The following PRKG1 variants were observed in gnomAD, a reference collection of about 807,000 sequenced individuals.
PRKG1 encodes protein kinase cGMP-dependent 1, also known as cGMP-dependent protein kinase 1.
In PRKG1, 35 loss-of-function variants were observed where a neutral mutation model predicts 88.1. That is an observed-to-expected ratio of 0.40 (90% CI 0.30 to 0.53). The LOEUF (loss-of-function observed/expected upper bound fraction) is 0.53. Among genes scored for constraint, PRKG1 ranks in the 20% least tolerant of loss-of-function variants. The pLI, the probability that PRKG1 is intolerant of heterozygous loss-of-function variation, is 0.59. For missense variants in PRKG1, 540 were observed against 839.8 expected (o/e 0.64, Z 4.41); for synonymous variants, 303 against 292.5 (o/e 1.04, Z -0.37).
At chr10:52,095,524 G>A (rs1847152403) in intron 7 of PRKG1, among the ~76,000 whole-genome samples, 2 of 152,160 alleles carry the variant, frequency 1.3e-5, no homozygotes, top group South Asian at 4.1e-4. Flanking sequence ...AGCACCATGA[G>A]GGTTGAAGGC....
At chr10:51,640,411 C>T (rs991714279) in intron 3 of PRKG1, among the ~76,000 whole-genome samples, 4 of 152,092 alleles carry the variant, frequency 2.6e-5, no homozygotes, top group South Asian at 2.1e-4. Flanking sequence ...TTTTCAATTT[C>T]GATTTTCTCC....
chr10:51,099,995 G>A (rs1242771233), intron 1 of PRKG1, among the ~76,000 whole-genome samples: 3 of 152,154 alleles, frequency 2.0e-5, no homozygotes, highest in Non-Finnish European at 4.4e-5. Flanking sequence ...CTGGGGTCAA[G>A]CCATCCTCCT....
At chr10:51,558,282 C>A (rs2132143154) in intron 3 of PRKG1, among the ~76,000 whole-genome samples, 1 of 151,982 alleles carries the variant, frequency 6.6e-6, no homozygotes, top group East Asian at 1.9e-4. Flanking sequence ...AAGTTTTTAC[C>A]AATATATACT....
At chr10:51,385,774 T>G (rs1837233641) in intron 2 of PRKG1, among the ~76,000 whole-genome samples, 1 of 152,172 alleles carries the variant, frequency 6.6e-6, no homozygotes, top group South Asian at 2.1e-4. Context: ...TCAGAAAGTC[T>G]CTTTATTTCT....
At chr10:52,029,968 G>T (rs2133207742) in intron 5 of PRKG1, among the ~76,000 whole-genome samples, 1 of 152,164 alleles carries the variant, frequency 6.6e-6, no homozygotes. Flanking sequence ...AGAAATCCAT[G>T]CAATCATTCA....
At chr10:51,474,894 C>T (rs951550278) in intron 3 of PRKG1, among the ~76,000 whole-genome samples, 2 of 151,934 alleles carry the variant, frequency 1.3e-5, no homozygotes, top group Admixed American at 1.3e-4. Context: ...TCTTTGTTGA[C>T]TAAATTTCTA....
At chr10:51,066,520 C>T (rs1184102797) in intron 1 of PRKG1, among the ~76,000 whole-genome samples, 1 of 152,048 alleles carries the variant, frequency 6.6e-6, no homozygotes, top group Non-Finnish European at 1.5e-5. Flanking sequence ...GGGGATTTCA[C>T]AAATGGAGAA....
At chr10:51,223,996 C>T (rs1194467595) in intron 2 of PRKG1, among the ~76,000 whole-genome samples, 1 of 152,076 alleles carries the variant, frequency 6.6e-6, no homozygotes, top group Admixed American at 6.5e-5. Context: ...ACATGCCCAT[C>T]CTGTAAATGG....
chr10:51,172,648 G>C (rs12776627), intron 2 of PRKG1, among the ~76,000 whole-genome samples: 409 of 40,996 alleles, frequency 1.0e-2, no homozygotes, highest in East Asian at 0.02. Flanking sequence ...ATGTATGTAT[G>C]TATCTATCTA....
At chr10:51,239,332 T>C (rs1302444792) in intron 2 of PRKG1, among the ~76,000 whole-genome samples, 1 of 152,178 alleles carries the variant, frequency 6.6e-6, no homozygotes, top group Non-Finnish European at 1.5e-5. Flanking sequence ...AAAAAATAAC[T>C]AGCAGGAGAA....
chr10:51,549,362 G>C (rs548139831), intron 3 of PRKG1, among the ~76,000 whole-genome samples: 6 of 151,312 alleles, frequency 4.0e-5, no homozygotes, highest in Non-Finnish European at 2.9e-5. Context: ...CTGACCTTGG[G>C]GATACCATGT....
intron 9 of PRKG1, among the ~76,000 whole-genome samples, chr10:52,171,842 T>C (rs912615149): frequency 7.8e-6 from 1 of 127,538 alleles, no homozygotes; most frequent in Non-Finnish European, 1.5e-5. Context: ...GTCGCCCAGG[T>C]CGGACTGCGG....
chr10:51,934,675 G>A lies in PRKG1; in HGVS notation c.762+27105G>A, dbSNP rs181739360. 1.2e-4 allele frequency among the ~76,000 whole-genome samples: 18 copies of A among 152,214 alleles called. No individual in the cohort carries two copies. In the South Asian group the frequency reaches 1.2e-3, roughly 11 times the overall value. ...AAGGTTTATCCCTGTTTTCCCTACC[G>A]TCTGTCTGTGACGTCTGGAGTAGTG... On this transcript the variant is annotated intron_variant, in intron 5 of 17. Transcript: ENST00000373980.
intron 3 of PRKG1, among the ~76,000 whole-genome samples, chr10:51,747,091 T>C (rs1252590478): frequency 6.6e-6 from 1 of 152,170 alleles, no homozygotes; most frequent in Non-Finnish European, 1.5e-5. Flanking sequence ...GGTTTTTGCT[T>C]GTCAGAGAAG....
At chr10:51,474,816 C>T (rs915220076) in intron 3 of PRKG1, among the ~76,000 whole-genome samples, 4 of 151,942 alleles carry the variant, frequency 2.6e-5, no homozygotes, top group Non-Finnish European at 5.9e-5. Flanking sequence ...TTTCCTCTGA[C>T]TACTGAGGAA....
intron 3 of PRKG1, among the ~76,000 whole-genome samples, chr10:51,694,428 T>C (rs903310566): frequency 2.0e-5 from 3 of 152,232 alleles, no homozygotes; most frequent in African/African-American, 4.8e-5. Flanking sequence ...AAACATAATC[T>C]TACTTAGATA....
intron 3 of PRKG1, among the ~76,000 whole-genome samples, chr10:51,677,212 T>G (rs1840732655): frequency 6.6e-6 from 1 of 152,154 alleles, no homozygotes; most frequent in Non-Finnish European, 1.5e-5. Flanking sequence ...ATTGTATTTC[T>G]TTCATTTTTA....
intron 4 of PRKG1, among the ~76,000 whole-genome samples, chr10:51,826,472 T>A (rs550302742): frequency 6.6e-6 from 1 of 152,206 alleles, no homozygotes; most frequent in East Asian, 1.9e-4. Context: ...GAGGACTAAG[T>A]TGATAATAAA....
In PRKG1 at chr10:51,034,668, T is replaced by TTTTATATATATATA. The variant is rs9299454; in HGVS notation, c.266+43025_266+43026insTTATATATATATAT. On this transcript the variant is annotated intron_variant, in intron 1 of 17. Transcript: ENST00000401604. ...AGCAAAATTATATATAATATGTTAT[T>TTTTATATATATATA]TATATATATATATATATATATATAT... Among the ~76,000 whole-genome samples, 242 of 68,172 alleles carry TTTTATATATATATA rather than the reference T, an allele frequency of 3.5e-3. 20 individuals carry two copies. The highest frequency in any genetic ancestry group is 4.7e-3 in the Admixed American group (23 of 4,878). The allele number at this position is 68,172 out of a possible 152,430, so 44.7% of individuals were successfully genotyped here. A position where few individuals can be genotyped will look rare whatever the true frequency, so the allele number is the denominator to read the frequency against.
Sources: allele counts gnomAD v4.1 joint callset (sites outside exome capture counted in the v4.1 genomes callset), GRCh38; gene constraint gnomAD v4.1.1; transcripts MANE v1.5; gene names NCBI Gene and HGNC (gene_info 2026-07-23, HGNC 2026-07-21).